CHST9: variants seen among roughly 807,000 people sequenced by gnomAD.
CHST9 encodes the protein carbohydrate sulfotransferase 9.
In CHST9, 41 loss-of-function variants were observed where a neutral mutation model predicts 44.4. That is an observed-to-expected ratio of 0.92 (90% CI 0.72 to 1.20). CHST9 has a LOEUF of 1.20. Among genes scored for constraint, CHST9 ranks in the 50% most tolerant of loss-of-function variants. The pLI is 0.00. For missense variants in CHST9, 504 were observed against 516.5 expected, an observed-to-expected ratio of 0.98 and a Z score of 0.23; for synonymous variants, 171 against 178.4, an observed-to-expected ratio of 0.96 and a Z score of 0.33.
chr18:26,972,404 A>ATTGAG (rs2056560887), intron 4 of CHST9, among the ~76,000 whole-genome samples: 1 of 150,736 alleles, frequency 6.6e-6, no homozygotes, highest in African/African-American at 2.4e-5. Context: ...AGATGGTGAC[A>ATTGAG]TTGAGCAAGG....
At chr18:27,149,374 C>G (rs138025104) in intron 1 of CHST9, among the ~76,000 whole-genome samples, 1,717 of 152,198 alleles carry the variant, frequency 0.011, 27 homozygotes, top group African/African-American at 0.036. Flanking sequence ...GACATGATCT[C>G]ATTCTTTTTC....
intron 4 of CHST9, among the ~76,000 whole-genome samples, chr18:26,983,206 T>G (rs879840568): frequency 6.6e-6 from 1 of 152,210 alleles, no homozygotes; most frequent in Admixed American, 6.5e-5. Context: ...TGTTTCAAAT[T>G]TAGTGGACAT....
chr18:26,936,982 T>TAA (rs1367873918), intron 5 of CHST9, among the ~76,000 whole-genome samples: 1 of 152,180 alleles, frequency 6.6e-6, no homozygotes, highest in African/African-American at 2.4e-5. Flanking sequence ...TTACTAACAA[T>TAA]AAAGAACTTG....
rs230652 is a variant in CHST9, at chr18:26,909,965, T to C, written c.*6294A>G. 100,390 of 152,048 alleles carry C rather than the reference T, an allele frequency of 0.66. 33,469 individuals are homozygous for C. The highest frequency in any genetic ancestry group is 0.76 in the East Asian group (3,934 of 5,156). The allele number at this position is 152,048 out of a possible 1,614,324, so 9.4% of individuals were successfully genotyped here. On this transcript the variant is annotated 3_prime_UTR_variant, in exon 6 of 6. Coordinates refer to ENST00000618847, the MANE Select transcript of CHST9 (RefSeq NM_031422.6). ...AGAAGGCTGGGAAGCAGGTGATTTTTAGAGTTGAGGAAGCGGGCACACCTG... is the reference window on the plus strand; with the variant it reads ...AGAAGGCTGGGAAGCAGGTGATTTTCAGAGTTGAGGAAGCGGGCACACCTG...
chr18:26,988,510 G>C lies in CHST9; in HGVS notation c.202+35606C>G, dbSNP rs146837888. ...TCACAAGGACAAAACAATGCTAAGTGTTTATGTCCCTAAAAATGGAGATTC... is the reference window on the plus strand; with the variant it reads ...TCACAAGGACAAAACAATGCTAAGTCTTTATGTCCCTAAAAATGGAGATTC... On this transcript the variant is annotated intron_variant, in intron 4 of 5. Transcript: ENST00000618847. Among the ~76,000 whole-genome samples, 122 of 152,266 alleles carry C rather than the reference G, an allele frequency of 8.0e-4. No homozygotes were observed. The East Asian group carries it at 0.021, about 26-fold the overall frequency.
chr18:26,929,428 G>A (rs1483327704), intron 5 of CHST9, among the ~76,000 whole-genome samples: 1 of 152,162 alleles, frequency 6.6e-6, no homozygotes, highest in Non-Finnish European at 1.5e-5. Flanking sequence ...CATATAGTAG[G>A]TTTCTCCAAA....
chr18:27,039,107 T>G (rs1360107567), intron 3 of CHST9, among the ~76,000 whole-genome samples: 1 of 152,174 alleles, frequency 6.6e-6, no homozygotes, highest in Non-Finnish European at 1.5e-5. Context: ...ATTTACTTGT[T>G]CTTTCTGCCT....
intron 4 of CHST9, among the ~76,000 whole-genome samples, chr18:26,967,106 T>C (rs1368915395): frequency 6.6e-6 from 1 of 152,126 alleles, no homozygotes; most frequent in Non-Finnish European, 1.5e-5. Context: ...ACACTAATCA[T>C]ATTCATCATG....
At chr18:27,011,504 A>G (rs2057084674) in intron 4 of CHST9, among the ~76,000 whole-genome samples, 3 of 152,202 alleles carry the variant, frequency 2.0e-5, no homozygotes, top group Admixed American at 1.3e-4. Flanking sequence ...ACCATGCAGT[A>G]AATCACTTGT....
At chr18:26,974,000 G>T (rs193040478) in intron 4 of CHST9, among the ~76,000 whole-genome samples, 1 of 152,298 alleles carries the variant, frequency 6.6e-6, no homozygotes, top group East Asian at 1.9e-4. Context: ...TGCCTGCCAT[G>T]ATATTTTGGA....
intron 4 of CHST9, among the ~76,000 whole-genome samples, chr18:26,953,634 T>C (rs1481635945): frequency 6.6e-6 from 1 of 152,166 alleles, no homozygotes; most frequent in Non-Finnish European, 1.5e-5. Flanking sequence ...TGGTAACAAA[T>C]GAATACAGGG....
intron 4 of CHST9, among the ~76,000 whole-genome samples, chr18:26,995,063 G>A (rs545619000): frequency 6.6e-6 from 1 of 152,102 alleles, no homozygotes; most frequent in East Asian, 1.9e-4. Context: ...AGGGTCCCAT[G>A]TGACTGAGAT....
intron 5 of CHST9, among the ~76,000 whole-genome samples, chr18:26,929,396 G>A (rs556643469): frequency 1.3e-5 from 2 of 152,238 alleles, no homozygotes; most frequent in Non-Finnish European, 2.9e-5. Flanking sequence ...ACCTAGTACA[G>A]TACCTGACAT....
chr18:27,113,790 G>A (rs2058296139), intron 2 of CHST9, among the ~76,000 whole-genome samples: 1 of 152,164 alleles, frequency 6.6e-6, no homozygotes, highest in Non-Finnish European at 1.5e-5. Flanking sequence ...TGTTGTAGAA[G>A]TCCAAATGGA....
chr18:27,161,407 G>A lies in CHST9; in HGVS notation c.-96-18502C>T, dbSNP rs147445001. 2.5e-3 allele frequency among the ~76,000 whole-genome samples: 383 copies of A among 152,284 alleles called. 1 individual carries two copies. The highest frequency in any genetic ancestry group is 8.9e-3 in the African/African-American group (370 of 41,554). On this transcript the variant is annotated intron_variant, in intron 1 of 5. Coordinates refer to ENST00000618847, the MANE Select transcript of CHST9 (RefSeq NM_031422.6). The stretch of plus-strand genomic sequence containing the variant: ...CAGGAGCAGGTTGTTCAGTTTCCAT[G>A]TAGTTGAGCAGTTTTGAGCGAGTTT...
At chr18:27,058,459 C>T (rs1206342969) in intron 2 of CHST9, among the ~76,000 whole-genome samples, 1 of 152,108 alleles carries the variant, frequency 6.6e-6, no homozygotes, top group African/African-American at 2.4e-5. Flanking sequence ...ACTTGCTTAC[C>T]CAGTCGGATA....
chr18:26,948,900 C>CTGAG (rs1471184543), intron 4 of CHST9, among the ~76,000 whole-genome samples: 73 of 152,160 alleles, frequency 4.8e-4, no homozygotes, highest in African/African-American at 1.6e-3. Context: ...GTGAGAAGTT[C>CTGAG]TGAGCGGCTT....
chr18:27,021,940 C>A (rs1335739168), intron 4 of CHST9, among the ~76,000 whole-genome samples: 1 of 151,994 alleles, frequency 6.6e-6, no homozygotes, highest in Non-Finnish European at 1.5e-5. Context: ...CTACTTTAGC[C>A]TCCTGAGTAG....
chr18:26,956,388 T>TA (rs1253465520), intron 4 of CHST9, among the ~76,000 whole-genome samples: 3 of 146,964 alleles, frequency 2.0e-5, no homozygotes, highest in Non-Finnish European at 3.0e-5. Flanking sequence ...ATATATCATA[T>TA]ATAATTATAT....
Sources: allele counts gnomAD v4.1 joint callset (sites outside exome capture counted in the v4.1 genomes callset), GRCh38; gene constraint gnomAD v4.1.1; transcripts MANE v1.5; gene names NCBI Gene and HGNC (gene_info 2026-07-23, HGNC 2026-07-21).